The following TACR3 variants were observed in gnomAD, a reference collection of about 807,000 sequenced individuals.
TACR3 encodes the protein neuromedin-K receptor.
Under a neutral mutation model 35.0 loss-of-function variants are expected in TACR3, and 34 were observed. That is an observed-to-expected ratio of 0.97 (90% confidence interval 0.74 to 1.30). TACR3 has a LOEUF of 1.30. Among genes scored for constraint, TACR3 ranks in the 50% most tolerant of loss-of-function variants. The pLI is 0.00. For missense variants in TACR3, 558 were observed against 591.7 expected (o/e 0.94, Z 0.59); for synonymous variants, 233 against 221.1 (o/e 1.05, Z -0.48).
chr4:103,654,966 A>G (rs1256588807), intron 3 of TACR3, among the ~76,000 whole-genome samples: 1 of 152,152 alleles, frequency 6.6e-6, no homozygotes, highest in Non-Finnish European at 1.5e-5. Context: ...ATTCGTTTGT[A>G]GGTGCCAGAG....
chr4:103,712,985 G>C (rs1382480824), intron 1 of TACR3, among the ~76,000 whole-genome samples: 2 of 152,178 alleles, frequency 1.3e-5, no homozygotes, highest in African/African-American at 4.8e-5. Context: ...ACCAGTGCTG[G>C]AGAGAATGTA....
At chr4:103,613,314 G>A (rs1451510422) in intron 3 of TACR3, among the ~76,000 whole-genome samples, 1 of 152,074 alleles carries the variant, frequency 6.6e-6, no homozygotes, top group Non-Finnish European at 1.5e-5. Flanking sequence ...TATAAAATGA[G>A]GCTAACCTCA....
intron 1 of TACR3, among the ~76,000 whole-genome samples, chr4:103,717,542 A>G (rs997572700): frequency 6.6e-6 from 1 of 152,200 alleles, no homozygotes; most frequent in African/African-American, 2.4e-5. Flanking sequence ...TTTCCCCTTC[A>G]AATTGAAATA....
chr4:103,667,257 AAAAAC>A (rs1227807625), intron 1 of TACR3, among the ~76,000 whole-genome samples: 5 of 152,066 alleles, frequency 3.3e-5, no homozygotes, highest in Non-Finnish European at 5.9e-5. Flanking sequence ...ACTTTGTCTC[AAAAAC>A]AAAACAAAAC....
chr4:103,648,396 A>G (rs201853843), intron 3 of TACR3, among the ~76,000 whole-genome samples: 3 of 151,718 alleles, frequency 2.0e-5, no homozygotes, highest in East Asian at 3.9e-4. Flanking sequence ...TTCGAACTAT[A>G]TTTTTGTACC....
intron 3 of TACR3, among the ~76,000 whole-genome samples, chr4:103,644,797 A>G (rs1018029821): frequency 6.6e-6 from 1 of 151,484 alleles, no homozygotes; most frequent in African/African-American, 2.4e-5. Context: ...ATGATTAATA[A>G]TAATATGAAT....
chr4:103,658,418 A>T lies in TACR3; in HGVS notation c.549-15T>A, dbSNP rs1484861443. On this transcript the variant is annotated splice_polypyrimidine_tract_variant and intron_variant, in intron 1 of 4. Transcript: ENST00000304883. ...TAGCCATATACCTATATAAAAACAA[A>T]CAAAACCATTTCATTGGTTTTCTTT... The T allele has an allele frequency of 6.2e-7, 1 of 1,610,938 alleles. No individual in the cohort carries two copies. Among genetic ancestry groups the T allele is most frequent in the Admixed American group, 1.7e-5 (1 of 59,904 alleles).
chr4:103,629,631 A>T, intron 3 of TACR3, among the ~76,000 whole-genome samples: 1 of 152,144 alleles, frequency 6.6e-6, no homozygotes, highest in Non-Finnish European at 1.5e-5. Flanking sequence ...CTGCTCAATG[A>T]AATAAAAGAG....
rs372315536 is a variant in TACR3 at position 103,674,315 on chromosome 4, GT to G, written c.549-15913del. The stretch of plus-strand genomic sequence containing the variant: ...GTCTCCAGTGCTATTATGTTTTTCT[GT>G]TTTTTTTTTTTCTCTGTTGTTGGAG... On this transcript the variant is annotated intron_variant, in intron 1 of 4. Transcript: ENST00000304883. Among the ~76,000 whole-genome samples the G allele has an allele frequency of 7.3e-3, 1,046 of 144,246 alleles. 7 individuals are homozygous for G. Among genetic ancestry groups the G allele is most frequent in the African/African-American group, 0.021 (815 of 39,574 alleles). 94.6% of individuals were successfully genotyped at this position (144,246 alleles called of 152,430 possible).
At position 103,624,795 on chromosome 4, in the gene TACR3, G is replaced by T. The variant is rs1038199733; in HGVS notation, c.888+31399C>A. On this transcript the variant is annotated intron_variant, in intron 3 of 4. Coordinates refer to ENST00000304883, the MANE Select transcript of TACR3 (RefSeq NM_001059.3). ...GGAGAGTGAAATGTGGGTACATGGA[G>T]AATATTTTGTTTTTTCTGAATAGGG... Among the ~76,000 whole-genome samples the T allele has an allele frequency of 2.0e-5, 3 of 152,222 alleles. 1 individual carries two copies. The highest frequency in any genetic ancestry group is 1.3e-4 in the Admixed American group (2 of 15,280).
rs1266060233 is a variant in TACR3, at chr4:103,588,678, T to C, written c.*1004A>G. 6.6e-6 allele frequency: 1 copy of C among 152,142 alleles called. No individual in the cohort carries two copies. The highest frequency in any genetic ancestry group is 1.5e-5 in the Non-Finnish European group (1 of 67,988). The allele number at this position is 152,142 out of a possible 1,614,324, so 9.4% of individuals were successfully genotyped here. On this transcript the variant is annotated 3_prime_UTR_variant, in exon 5 of 5. Transcript: ENST00000304883. ...ATTCACTTGTCTACACCTTGCCTAG[T>C]TTACTCATATGTAACATATATTGGT...
At chr4:103,655,783 C>T (rs1429787517) in intron 3 of TACR3, among the ~76,000 whole-genome samples, 1 of 152,000 alleles carries the variant, frequency 6.6e-6, no homozygotes, top group African/African-American at 2.4e-5. Flanking sequence ...AATTATTGCA[C>T]TTTCTAGAAG....
At chr4:103,656,490 A>C (rs1725737171) in intron 2 of TACR3, 146 bp from the exon 3 acceptor site, 5 of 770,760 alleles carry the variant, frequency 6.5e-6, no homozygotes, top group Non-Finnish European at 1.1e-5. Context: ...ATTCCATCAA[A>C]ATATCATGCT....
intron 1 of TACR3, among the ~76,000 whole-genome samples, chr4:103,662,631 G>T (rs1355064286): frequency 6.6e-6 from 1 of 152,134 alleles, no homozygotes; most frequent in African/African-American, 2.4e-5. Flanking sequence ...ATAGGTAATT[G>T]GGCTTAAATC....
intron 1 of TACR3, among the ~76,000 whole-genome samples, chr4:103,712,542 A>G (rs1722993572): frequency 6.6e-6 from 1 of 152,244 alleles, no homozygotes; most frequent in Admixed American, 6.5e-5. Context: ...CCTAGGCAAT[A>G]CCATTCAGGT....
chr4:103,604,438 T>C (rs1724297215), intron 3 of TACR3, among the ~76,000 whole-genome samples: 1 of 152,094 alleles, frequency 6.6e-6, no homozygotes, highest in Admixed American at 6.6e-5. Context: ...ATAAAAACCC[T>C]AGAAGAAAAC....
intron 1 of TACR3, among the ~76,000 whole-genome samples, chr4:103,710,079 T>C (rs775713001): frequency 3.3e-5 from 5 of 152,138 alleles, no homozygotes; most frequent in African/African-American, 7.2e-5. Flanking sequence ...CACTCCCCTG[T>C]CAACATTAGA....
chr4:103,599,489 A>G (rs1333283331), intron 3 of TACR3, among the ~76,000 whole-genome samples: 1 of 152,150 alleles, frequency 6.6e-6, no homozygotes, highest in African/African-American at 2.4e-5. Flanking sequence ...TTCCAACACT[A>G]TGTTGAATAG....
intron 1 of TACR3, among the ~76,000 whole-genome samples, chr4:103,674,842 G>A (rs1274353610): frequency 6.6e-6 from 1 of 152,144 alleles, no homozygotes; most frequent in Non-Finnish European, 1.5e-5. Flanking sequence ...GAGCCACCGC[G>A]CCCGGCCTAC....
Sources: allele counts gnomAD v4.1 joint callset (sites outside exome capture counted in the v4.1 genomes callset), GRCh38; gene constraint gnomAD v4.1.1; transcripts MANE v1.5; gene names NCBI Gene and HGNC (gene_info 2026-07-23, HGNC 2026-07-21).